Variants in RPTOR observed in about 807,000 individuals in gnomAD.
RPTOR encodes the protein regulatory-associated protein of mTOR.
A neutral mutation model predicts 169.9 loss-of-function variants in RPTOR; 21 were observed. That is an observed-to-expected ratio of 0.12 (90% CI 0.09 to 0.18). The LOEUF is 0.18. Ranked by LOEUF, RPTOR falls within the 10% of genes least tolerant of loss-of-function variation. The pLI is 1.00. For synonymous variants in RPTOR, 732 were observed against 753.2 expected (o/e 0.97, Z 0.46); for missense variants, 1,133 against 1,855.9 (o/e 0.61, Z 7.16).
chr17:80,895,734 G>A (rs187718743), intron 20 of RPTOR, among the ~76,000 whole-genome samples: 3 of 152,316 alleles, frequency 2.0e-5, no homozygotes, highest in South Asian at 2.1e-4. Flanking sequence ...AAGCGCAGGC[G>A]CCCCCATCTC....
At chr17:80,870,117 A>G (rs2068036441) in intron 13 of RPTOR, among the ~76,000 whole-genome samples, 1 of 152,232 alleles carries the variant, frequency 6.6e-6, no homozygotes, top group Non-Finnish European at 1.5e-5. Flanking sequence ...TTTCATAGAT[A>G]AAATTAATAC....
At chr17:80,922,443 C>T (rs2068756859) in intron 21 of RPTOR, among the ~76,000 whole-genome samples, 2 of 152,214 alleles carry the variant, frequency 1.3e-5, no homozygotes, top group South Asian at 4.1e-4. Flanking sequence ...CCTGACCCCT[C>T]AGGAGCCTCA....
intron 4 of RPTOR, among the ~76,000 whole-genome samples, chr17:80,717,927 C>T (rs927243827): frequency 5.9e-5 from 9 of 152,188 alleles, no homozygotes; most frequent in East Asian, 1.9e-4. Flanking sequence ...GAACGTTTAT[C>T]GGGAGAAGGA....
At chr17:80,838,615 C>T (rs781269086) in intron 10 of RPTOR, among the ~76,000 whole-genome samples, 29 of 152,222 alleles carry the variant, frequency 1.9e-4, no homozygotes, top group Admixed American at 1.5e-3. Flanking sequence ...TCCAGAAACC[C>T]GTGAGGAAAG....
At chr17:80,727,029 G>A (rs1313007575) in intron 4 of RPTOR, among the ~76,000 whole-genome samples, 1 of 151,908 alleles carries the variant, frequency 6.6e-6, no homozygotes, top group South Asian at 2.1e-4. Context: ...CTCTGACCAC[G>A]TCACGCTGCG....
intron 1 of RPTOR, among the ~76,000 whole-genome samples, chr17:80,553,569 T>G (rs1412947067): frequency 6.6e-6 from 1 of 152,182 alleles, no homozygotes; most frequent in Non-Finnish European, 1.5e-5. Flanking sequence ...GAATTAATGT[T>G]GTAGAATGAA....
chr17:80,920,661 A>G (rs1271181583), intron 21 of RPTOR, among the ~76,000 whole-genome samples: 1 of 152,330 alleles, frequency 6.6e-6, no homozygotes, highest in East Asian at 1.9e-4. Context: ...GTGACGTCCC[A>G]GGGCTCCTGA....
intron 13 of RPTOR, among the ~76,000 whole-genome samples, chr17:80,871,480 G>T (rs2143799970): frequency 6.6e-6 from 1 of 152,282 alleles, no homozygotes; most frequent in South Asian, 2.1e-4. Context: ...GCAGATCCCT[G>T]GTGGCGCTGG....
chr17:80,650,703 A>T (rs1346806504), intron 3 of RPTOR, among the ~76,000 whole-genome samples: 1 of 152,206 alleles, frequency 6.6e-6, no homozygotes, highest in African/African-American at 2.4e-5. Context: ...TGGTCATCAG[A>T]TCCTTACTTC....
chr17:80,755,145 T>C (rs561830148), intron 6 of RPTOR, among the ~76,000 whole-genome samples: 8 of 152,238 alleles, frequency 5.3e-5, no homozygotes, highest in South Asian at 2.1e-4. Context: ...CAAGTCCAAA[T>C]TGATCCCAGA....
intron 25 of RPTOR, among the ~76,000 whole-genome samples, chr17:80,942,545 C>T (rs1412649373): frequency 1.3e-5 from 2 of 152,102 alleles, no homozygotes; most frequent in East Asian, 3.9e-4. Context: ...TGCCAGCAGG[C>T]GTAGTGCCGG....
At chr17:80,943,443 C>T (rs896865248) in intron 25 of RPTOR, among the ~76,000 whole-genome samples, 1 of 152,166 alleles carries the variant, frequency 6.6e-6, no homozygotes, top group Admixed American at 6.5e-5. Context: ...AAACGGGAAA[C>T]AGGGCCTCCC....
intron 31 of RPTOR, among the ~76,000 whole-genome samples, chr17:80,962,224 T>G (rs1458788770): frequency 6.6e-6 from 1 of 152,236 alleles, no homozygotes; most frequent in Non-Finnish European, 1.5e-5. Flanking sequence ...CCGCGCCTTT[T>G]CTGGCTCTGA....
chr17:80,634,588 CTG>C (rs1352512288), intron 2 of RPTOR, among the ~76,000 whole-genome samples: 16 of 28,056 alleles, frequency 5.7e-4, no homozygotes, highest in East Asian at 1.2e-3. Flanking sequence ...TGTGTGCGTA[CTG>C]TGTGTGTGCG....
chr17:80,635,601 A>G lies in RPTOR; in HGVS notation c.266-8127A>G, dbSNP rs192716075. On this transcript the variant is annotated intron_variant, in intron 2 of 33. Coordinates refer to ENST00000306801, the MANE Select transcript of RPTOR (RefSeq NM_020761.3). ...TGGATCTGGTGGGAGAAGAGGGCTC[A>G]TTGTAGACTAGAGGACCCAGGGGAG... is the stretch of plus-strand genomic sequence containing the variant. Among the ~76,000 whole-genome samples, 455 of 152,204 alleles carry G rather than the reference A, an allele frequency of 3.0e-3. 2 individuals are homozygous for G. The highest frequency in any genetic ancestry group is 9.9e-3 in the African/African-American group (412 of 41,522).
chr17:80,694,441 C>T (rs1049517656), intron 3 of RPTOR, among the ~76,000 whole-genome samples: 2 of 152,246 alleles, frequency 1.3e-5, no homozygotes, highest in Admixed American at 6.5e-5. Context: ...CACAATCTCT[C>T]AGTGGAGTGA....
chr17:80,593,067 C>T (rs913588492), intron 1 of RPTOR, among the ~76,000 whole-genome samples: 2 of 152,162 alleles, frequency 1.3e-5, no homozygotes, highest in South Asian at 4.1e-4. Context: ...CTGCTGGTTG[C>T]TGAGGGACAG....
chr17:80,814,538 G>A (rs2067304771), intron 7 of RPTOR, among the ~76,000 whole-genome samples: 1 of 152,138 alleles, frequency 6.6e-6, no homozygotes, highest in Non-Finnish European at 1.5e-5. Context: ...CTTTTAGTGA[G>A]TTTGTCCTAT....
chr17:80,737,558 C>T (rs565998084), intron 5 of RPTOR, among the ~76,000 whole-genome samples: 2 of 152,300 alleles, frequency 1.3e-5, no homozygotes, highest in East Asian at 3.9e-4. Flanking sequence ...CCGCACCACT[C>T]CAGGCTTGGG....
Sources: allele counts gnomAD v4.1 joint callset (sites outside exome capture counted in the v4.1 genomes callset), GRCh38; gene constraint gnomAD v4.1.1; transcripts MANE v1.5; gene names NCBI Gene and HGNC (gene_info 2026-07-23, HGNC 2026-07-21).